Variants in VGF observed in about 807,000 individuals in gnomAD.
VGF encodes VGF nerve growth factor inducible, also known as neurosecretory protein VGF.
A neutral mutation model predicts 41.1 loss-of-function variants in VGF; 13 were observed. The observed-to-expected ratio is 0.32, with a 90% CI of 0.21 to 0.50. The LOEUF is 0.50. Among genes scored for constraint, VGF ranks in the 20% least tolerant of loss-of-function variants. VGF has a pLI of 0.98. For synonymous variants in VGF, 473 were observed against 418.3 expected (o/e 1.13, Z -1.60); for missense variants, 920 against 882.1 (o/e 1.04, Z -0.54).
At chr7:101,168,616 CTTGT>C (rs1029997536), upstream of VGF, among the ~76,000 whole-genome samples, 3 of 152,182 alleles carry the variant, frequency 2.0e-5, no homozygotes, top group Non-Finnish European at 1.5e-5. Flanking sequence ...TTGGTTCTGA[CTTGT>C]TTGTGTGAAT....
rs752060603 is a variant in VGF at position 101,164,402 on chromosome 7, C to T, written c.442G>A (p.Glu148Lys). 3 of 1,610,836 alleles carry T rather than the reference C, an allele frequency of 1.9e-6. No homozygotes were observed. The highest frequency in any genetic ancestry group is 2.5e-6 in the Non-Finnish European group (3 of 1,179,692). Residue 148 changes from glutamate (E) to lysine (K), a missense_variant, in exon 2 of 2, where the codon GAG (glutamate) becomes AAG (lysine). Glu to Lys is a moderately conservative substitution (Grantham distance 56). Coordinates refer to ENST00000249330, the MANE Select transcript of VGF (RefSeq NM_003378.4). ...PRPQTPENGP[E>K]ASDPSEELEA... ...AGCTCCTCGGAGGGATCGCTCGCCT[C>T]GGGCCCATTCTCCGGAGTCTGAGGG...
Position 101,164,232 on chromosome 7 carries a change from G to A in VGF, c.612C>T (p.Arg204=), listed in dbSNP as rs750916577. Residue 204 remains arginine (R), a synonymous_variant, in exon 2 of 2, where the codon CGC becomes CGT. Transcript: ENST00000249330. The stretch of plus-strand genomic sequence containing the variant: ...ACTCTCCCCAGGAAGCGCGCCATAC[G>A]CGCTCTGGCCCCGGGCTCTCCAGAT... ...RVNLESPGPE[R]VWRASWGEFQ... The A allele has an allele frequency of 1.3e-6, 2 of 1,577,338 alleles. No individual in the cohort carries two copies. The highest frequency in any genetic ancestry group is 1.1e-5 in the South Asian group (1 of 90,030).
At chr7:101,169,195 C>G (rs369003327), upstream of VGF, among the ~76,000 whole-genome samples, 21 of 151,742 alleles carry the variant, frequency 1.4e-4, no homozygotes, top group Non-Finnish European at 4.4e-5. Flanking sequence ...GGAGACCCAG[C>G]AAGCGGGGGA....
chr7:101,166,781 G>A (rs1158330375), upstream of VGF, among the ~76,000 whole-genome samples: 1 of 130,198 alleles, frequency 7.7e-6, no homozygotes, highest in African/African-American at 2.8e-5. Context: ...GGGGGTGGGG[G>A]GGAGGACGGA....
At chr7:101,166,696 G>A (rs904105343), upstream of VGF, among the ~76,000 whole-genome samples, 1 of 147,428 alleles carries the variant, frequency 6.8e-6, no homozygotes, top group African/African-American at 2.5e-5. Context: ...GGGGGTGGGG[G>A]GCGATGACGC....
Position 101,164,597 on chromosome 7 carries a change from C to T in VGF, c.247G>A (p.Ala83Thr). The T allele has an allele frequency of 6.3e-7, 1 of 1,599,570 alleles. No homozygotes were observed. Among genetic ancestry groups the T allele is most frequent in the Admixed American group, 1.7e-5 (1 of 58,714 alleles). ...TCGAGTGCCTGCAGCAGCACCGCGG[C>T]CAGCGCCCGGGGATCCACGCCCTGG... ...LFQGVDPRALAAVLLQALDRP... is the reference protein window; with the variant it reads ...LFQGVDPRALTAVLLQALDRP... Residue 83 changes from alanine to threonine, a missense_variant, in exon 2 of 2, where the codon GCC (alanine) becomes ACC (threonine). This residue lies in a region of VGF where 654 missense variants were observed against 638.4 expected (regional missense o/e 1.02). Transcript: ENST00000249330.
chr7:101,163,094 G>C lies in VGF; in HGVS notation c.1750C>G (p.Arg584Gly). The C allele has an allele frequency of 6.4e-7, 1 of 1,569,484 alleles. No individual in the cohort carries two copies. ...GCCTCCGCCTCCTCCTGCGCGCGCC[G>C]CGCCTGGGCCTCCCGGCCGGGATAG... ...RHYPGREAQA[R>G]RAQEEAEAEE... Residue 584 changes from arginine to glycine, a missense_variant, in exon 2 of 2, where the codon CGG (arginine) becomes GGG (glycine). This residue lies in a region of VGF where 257 missense variants were observed against 217.2 expected (regional missense o/e 1.18). Transcript: ENST00000249330. This position sits in a 1 kb window ranked among gnomAD's most constrained non-coding sequence, Gnocchi z 5.0.
Position 101,163,779 on chromosome 7 carries a change from C to G in VGF, c.1065G>C (p.Ala355=), listed in dbSNP as rs1415013799. Residue 355 remains alanine, a synonymous_variant, in exon 2 of 2, where the codon GCG becomes GCC. Coordinates refer to ENST00000249330, the MANE Select transcript of VGF (RefSeq NM_003378.4). This position sits in a 1 kb window ranked among gnomAD's most constrained non-coding sequence, Gnocchi z 5.0. ...GLGGRGLQEA[A]EERESAREEE... is the part of the protein sequence containing the mutation. Reference sequence around the variant, plus strand: ...CCTCCCTTGCACTCTCTCGCTCCTCCGCCGCCTCCTGCAGCCCCCGACCCC... The same window carrying G: ...CCTCCCTTGCACTCTCTCGCTCCTCGGCCGCCTCCTGCAGCCCCCGACCCC... The G allele has an allele frequency of 3.3e-6, 5 of 1,531,128 alleles. No homozygotes were observed. The highest frequency in any genetic ancestry group is 3.9e-5 in the Admixed American group (2 of 51,256). The allele number at this position is 1,531,128 out of a possible 1,614,324, so 94.8% of individuals were successfully genotyped here.
In VGF at chr7:101,163,834, A is replaced by C; in HGVS notation, c.1010T>G (p.Leu337Arg). ...GCCGCGCTGCCGGGCCCCGCCCTGC[A>C]GCAAATACTGGAGCAGCAGGTCCGA... Reference protein sequence around the residue: ...LASDLLLQYLLQGGARQRGLG... With the variant: ...LASDLLLQYLRQGGARQRGLG... Residue 337 changes from leucine (L) to arginine (R), a missense_variant, in exon 2 of 2, where the codon CTG becomes CGG. Leu to Arg is a moderately radical substitution (Grantham distance 102). Around this residue, in one of 3 missense-constraint regions of VGF, gnomAD observed 654 missense variants for 638.4 expected, o/e 1.02. Coordinates refer to ENST00000249330, the MANE Select transcript of VGF (RefSeq NM_003378.4). The surrounding 1 kb of genome is among the most constrained non-coding windows in gnomAD (Gnocchi z 5.0). 6.5e-7 allele frequency: 1 copy of C among 1,528,620 alleles called. No homozygotes were observed. Among genetic ancestry groups the C allele is most frequent in the Non-Finnish European group, 8.7e-7 (1 of 1,143,580 alleles). 94.7% of individuals were successfully genotyped at this position (1,528,620 alleles called of 1,614,324 possible). A position where few individuals can be genotyped will look rare whatever the true frequency, so the allele number is the denominator to read the frequency against.
At chr7:101,165,121 C>A in intron 1 of VGF, 1 of 1,185,856 alleles carries the variant, frequency 8.4e-7, no homozygotes. Context: ...ATCTCACTGC[C>A]ATCGCCCACG....
In VGF at chr7:101,165,544, CTAGCTCG is replaced by C; in HGVS notation, c.-198_-192del. ...GCTGGGTCGGCGCGGCTCCGGGCGG[CTAGCTCG>C]CTCCGGCTTCAGCACGCTGGACAGC... On this transcript the variant is annotated 5_prime_UTR_variant, in exon 1 of 2. Coordinates refer to ENST00000249330, the MANE Select transcript of VGF (RefSeq NM_003378.4). 1 of 985,422 alleles carries C rather than the reference CTAGCTCG, an allele frequency of 1.0e-6. No homozygotes were observed. Among genetic ancestry groups the C allele is most frequent in the Non-Finnish European group, 1.2e-6 (1 of 829,932 alleles). 61.0% of individuals were successfully genotyped at this position (985,422 alleles called of 1,614,324 possible).
rs908365438 is a variant in VGF, at chr7:101,164,771, G to A, written c.73C>T (p.Pro25Ser). The change falls in exon 2 of 2, where the codon CCT becomes TCT. Residue 25 changes from proline (P) to serine (S), a missense_variant. Transcript: ENST00000249330. Reference protein sequence around the residue: ...LLINGLGAAPPGRPEAQPPPL... With the variant: ...LLINGLGAAPSGRPEAQPPPL... ...GGAGGCTGCGCCTCAGGGCGACCAGGGGGTGCTGCCCCTAACCCGTTGATC... is the reference window on the plus strand; with the variant it reads ...GGAGGCTGCGCCTCAGGGCGACCAGAGGGTGCTGCCCCTAACCCGTTGATC... 2 of 1,609,754 alleles carry A rather than the reference G, an allele frequency of 1.2e-6. No individual in the cohort carries two copies. Among genetic ancestry groups the A allele is most frequent in the Non-Finnish European group, 1.7e-6 (2 of 1,177,232 alleles).
rs1304009681 is a variant in VGF at position 101,162,945 on chromosome 7, C to A, written c.*51G>T. On this transcript the variant is annotated 3_prime_UTR_variant, in exon 2 of 2. Coordinates refer to ENST00000249330, the MANE Select transcript of VGF (RefSeq NM_003378.4). This position sits in a 1 kb window ranked among gnomAD's most constrained non-coding sequence, Gnocchi z 4.2. ...GGAGCGGGCAACACGGAGGGGGGCG[C>A]CGGCGCGCGCGCGCGGCGGGGGCGC... 1 of 927,724 alleles carries A rather than the reference C, an allele frequency of 1.1e-6. No homozygotes were observed. Among genetic ancestry groups the A allele is most frequent in the Non-Finnish European group, 1.4e-6 (1 of 691,366 alleles). The allele number at this position is 927,724 out of a possible 1,614,324, so 57.5% of individuals were successfully genotyped here. A position where few individuals can be genotyped will look rare whatever the true frequency, so the allele number is the denominator to read the frequency against.
chr7:101,164,474 G>A lies in VGF; in HGVS notation c.370C>T (p.His124Tyr), dbSNP rs1022284633. 6.2e-7 allele frequency: 1 copy of A among 1,602,024 alleles called. No individual in the cohort carries two copies. The highest frequency in any genetic ancestry group is 8.5e-7 in the Non-Finnish European group (1 of 1,178,536). ...GGGCTCTCCGGCGCCGGGAGGCTGT[G>A]GGTCTGGCTGCGCACGGTCTCGGTC... The part of the protein sequence containing the change: ...LLTETVRSQT[H>Y]SLPAPESPEP... The change falls in exon 2 of 2, where the codon CAC becomes TAC. Residue 124 changes from histidine to tyrosine, a missense_variant. This residue lies in a region of VGF where 654 missense variants were observed against 638.4 expected (regional missense o/e 1.02). Transcript: ENST00000249330.
In VGF at chr7:101,162,863, C is replaced by T; in HGVS notation, c.*133G>A. The T allele has an allele frequency of 1.4e-6, 1 of 697,294 alleles. No homozygotes were observed. Among genetic ancestry groups the T allele is most frequent in the Non-Finnish European group, 2.5e-6 (1 of 397,058 alleles). The allele number at this position is 697,294 out of a possible 1,614,324, so 43.2% of individuals were successfully genotyped here. A position where few individuals can be genotyped will look rare whatever the true frequency, so the allele number is the denominator to read the frequency against. On this transcript the variant is annotated 3_prime_UTR_variant, in exon 2 of 2. Coordinates refer to ENST00000249330, the MANE Select transcript of VGF (RefSeq NM_003378.4). The surrounding 1 kb of genome is among the most constrained non-coding windows in gnomAD (Gnocchi z 4.2). ...GGGGGTCTGGCAGGTCCCGACGCAG[C>T]CCGGGGACAGGGGCAGGGCCAAGGG...
At chr7:101,165,604 GGAGCGCGCGGGGTCACGT>G, upstream of VGF, 1 of 985,396 alleles carries the variant, frequency 1.0e-6, no homozygotes, top group Non-Finnish European at 1.2e-6. Context: ...CTTATAAAGG[GGAGCGCGCGGGGTCACGT>G]GGGCGCGCCC....
At chr7:101,166,012 T>A (rs1026272423), upstream of VGF, among the ~76,000 whole-genome samples, 1 of 152,148 alleles carries the variant, frequency 6.6e-6, no homozygotes, top group African/African-American at 2.4e-5. Context: ...AGTCCCAGCG[T>A]CTGACTGGGC....
At chr7:101,165,680 C>G (rs1190950333), upstream of VGF, 2 of 984,712 alleles carry the variant, frequency 2.0e-6, no homozygotes, top group South Asian at 9.4e-5. Flanking sequence ...GGCGGCCGCC[C>G]GGAGGAGGAA....
At chr7:101,165,353 G>T in intron 1 of VGF, 21 bp downstream of exon 1, 3 of 985,754 alleles carry the variant, frequency 3.0e-6, no homozygotes, top group Non-Finnish European at 3.6e-6. Context: ...GGGTTTGAGG[G>T]ACGAACAGCG....
Sources: gnomAD v4.1 joint callset for allele counts (sites outside exome capture counted in the v4.1 genomes callset) on GRCh38, gnomAD v4.1.1 for gene constraint, gnomAD v4.1.1 regional missense constraint, Gnocchi (gnomAD v3.1) non-coding constraint, MANE v1.5 for transcripts, NCBI Gene and HGNC (gene_info 2026-07-23, HGNC 2026-07-21) for gene names.